Variants in TRAF3IP1 observed in about 807,000 individuals in gnomAD.
The protein encoded by TRAF3IP1 is TRAF3-interacting protein 1.
Under a neutral mutation model 89.9 loss-of-function variants are expected in TRAF3IP1, and 53 were observed. The observed-to-expected ratio is 0.59, with a 90% CI of 0.47 to 0.74. The LOEUF (loss-of-function observed/expected upper bound fraction) is 0.74. Among genes scored for constraint, TRAF3IP1 ranks in the 30% least tolerant of loss-of-function variants. TRAF3IP1 has a pLI of 0.00. For synonymous variants in TRAF3IP1, 311 were observed against 322.1 expected (o/e 0.97, Z 0.37); for missense variants, 806 against 866.1 (o/e 0.93, Z 0.87).
chr2:238,378,990 C>G (rs1700437317), intron 15 of TRAF3IP1, among the ~76,000 whole-genome samples: 1 of 152,154 alleles, frequency 6.6e-6, no homozygotes, highest in Non-Finnish European at 1.5e-5. Flanking sequence ...TCTTTGGTGC[C>G]CTCTGTGGGA....
Position 238,328,299 on chromosome 2 carries a change from G to A in TRAF3IP1, c.355-387G>A, listed in dbSNP as rs184013126. ...GCAGCCATCCTAATGGGTGTGAGGT[G>A]GTTAGATAAAATCTTAAGGCACTTA... On this transcript the variant is annotated intron_variant, in intron 3 of 16. Transcript: ENST00000373327. Among the ~76,000 whole-genome samples the A allele has an allele frequency of 4.7e-4, 71 of 152,150 alleles. No individual in the cohort carries two copies. In the East Asian group the frequency reaches 9.7e-3, roughly 21 times the overall value.
At chr2:238,355,147 G>C (rs551132827) in intron 14 of TRAF3IP1, among the ~76,000 whole-genome samples, 1 of 152,242 alleles carries the variant, frequency 6.6e-6, no homozygotes, top group East Asian at 1.9e-4. Flanking sequence ...TTTAATGTAA[G>C]ATAATTCGCA....
At chr2:238,350,307 G>A (rs1406060231) in intron 12 of TRAF3IP1, among the ~76,000 whole-genome samples, 2 of 152,130 alleles carry the variant, frequency 1.3e-5, no homozygotes, top group African/African-American at 2.4e-5. Context: ...AATTGATGAC[G>A]TAGGCGACGT....
rs1348285148 is a variant in TRAF3IP1, at chr2:238,348,767, G to C, written c.1286G>C (p.Gly429Ala). Reference protein sequence around the residue: ...QKGDSTSDAEGDAGPAGQDKS... With the variant: ...QKGDSTSDAEADAGPAGQDKS... ...TAATTGATTGTCATTTGTTTAGAAGGAGATGCTGGACCTGCTGGCCAAGAT... is the reference window on the plus strand; with the variant it reads ...TAATTGATTGTCATTTGTTTAGAAGCAGATGCTGGACCTGCTGGCCAAGAT... The change falls in exon 11 of 17, where the codon GGA becomes GCA. Residue 429 changes from glycine to alanine, a missense_variant. By Grantham distance (60) the Gly-to-Ala change is moderately conservative. This residue lies in a region of TRAF3IP1 where 732 missense variants were observed against 780.5 expected (regional missense o/e 0.94). Transcript: ENST00000373327. The C allele has an allele frequency of 1.2e-6, 2 of 1,613,956 alleles. No homozygotes were observed. Among genetic ancestry groups the C allele is most frequent in the Non-Finnish European group, 1.7e-6 (2 of 1,179,890 alleles).
intron 3 of TRAF3IP1, among the ~76,000 whole-genome samples, chr2:238,327,923 G>A (rs750756166): frequency 7.2e-5 from 11 of 152,032 alleles, no homozygotes; most frequent in Non-Finnish European, 1.6e-4. Context: ...GAATTTCATC[G>A]CTTTTTAGGG....
At chr2:238,361,383 A>AT (rs1201968382) in intron 15 of TRAF3IP1, among the ~76,000 whole-genome samples, 1 of 151,604 alleles carries the variant, frequency 6.6e-6, no homozygotes, top group African/African-American at 2.4e-5. Flanking sequence ...TACATTATTT[A>AT]TTTTTTTTCT....
At chr2:238,367,640 G>T (rs1390937496) in intron 15 of TRAF3IP1, among the ~76,000 whole-genome samples, 1 of 152,046 alleles carries the variant, frequency 6.6e-6, no homozygotes, top group East Asian at 1.9e-4. Context: ...GTGGGACCGA[G>T]AGCCTGCGCC....
intron 8 of TRAF3IP1, among the ~76,000 whole-genome samples, chr2:238,343,849 C>T (rs893437083): frequency 4.0e-5 from 6 of 150,732 alleles, no homozygotes; most frequent in East Asian, 2.0e-4. Flanking sequence ...TTTGTGTAGA[C>T]GAGTTCTCTC....
intron 15 of TRAF3IP1, among the ~76,000 whole-genome samples, chr2:238,386,556 G>GCCCA (rs1340036852): frequency 6.6e-6 from 1 of 152,046 alleles, no homozygotes; most frequent in African/African-American, 2.4e-5. Context: ...CAGGTGATCT[G>GCCCA]CCCACCTGGG....
At chr2:238,353,505 G>T (rs957467009) in intron 14 of TRAF3IP1, among the ~76,000 whole-genome samples, 1 of 152,182 alleles carries the variant, frequency 6.6e-6, no homozygotes, top group South Asian at 2.1e-4. Context: ...TTAAATTGTG[G>T]AAGTAGATGA....
chr2:238,348,916 T>C lies in TRAF3IP1; in HGVS notation c.1367+68T>C, dbSNP rs180882103. The C allele has an allele frequency of 1.9e-4, 252 of 1,329,744 alleles. No individual in the cohort carries two copies. In the African/African-American group the frequency reaches 3.3e-3, roughly 17 times the overall value. 82.4% of individuals were successfully genotyped at this position (1,329,744 alleles called of 1,614,324 possible). A position where few individuals can be genotyped will look rare whatever the true frequency, so the allele number is the denominator to read the frequency against. ...ACCTAGGACACTGCTGTGCTTCTCT[T>C]TCTGGCTGCTGCTATTTATTTAGTG... On this transcript the variant is annotated intron_variant, in intron 11 of 16. Transcript: ENST00000373327.
intron 15 of TRAF3IP1, among the ~76,000 whole-genome samples, chr2:238,393,926 C>T (rs375187339): frequency 7.9e-5 from 12 of 152,188 alleles, no homozygotes; most frequent in Non-Finnish European, 1.3e-4. Context: ...GAAGCCTACG[C>T]GGTGGCTCAC....
intron 3 of TRAF3IP1, 90 bp from the exon 4 acceptor site, chr2:238,328,596 T>G: frequency 9.1e-4 from 1,292 of 1,419,684 alleles, no homozygotes; most frequent in Non-Finnish European, 1.1e-3. Flanking sequence ...ATCTGTCTCA[T>G]GAGCTATCTT....
At chr2:238,322,946 T>G (rs1477036001) in intron 1 of TRAF3IP1, among the ~76,000 whole-genome samples, 1 of 152,238 alleles carries the variant, frequency 6.6e-6, no homozygotes, top group Non-Finnish European at 1.5e-5. Flanking sequence ...TGAAAATGCT[T>G]TACTGTACTG....
chr2:238,373,359 A>C (rs1163156542), intron 15 of TRAF3IP1, among the ~76,000 whole-genome samples: 1 of 152,328 alleles, frequency 6.6e-6, no homozygotes, highest in African/African-American at 2.4e-5. Flanking sequence ...ATGGCTAGCC[A>C]GTTTTCCCAG....
intron 1 of TRAF3IP1, among the ~76,000 whole-genome samples, chr2:238,321,931 C>T (rs973729378): frequency 2.6e-5 from 4 of 152,224 alleles, no homozygotes; most frequent in Non-Finnish European, 5.9e-5. Flanking sequence ...CCTACCTTAG[C>T]TTATAACGTG....
intron 15 of TRAF3IP1, among the ~76,000 whole-genome samples, chr2:238,387,600 A>T (rs1050826145): frequency 3.3e-5 from 5 of 152,332 alleles, no homozygotes; most frequent in Non-Finnish European, 5.9e-5. Context: ...TCACGTGCTC[A>T]TCTCTATTGG....
Position 238,348,754 on chromosome 2 carries a change from A to G in TRAF3IP1, c.1283-10A>G. On this transcript the variant is annotated splice_polypyrimidine_tract_variant and intron_variant, in intron 10 of 16. Coordinates refer to ENST00000373327, the MANE Select transcript of TRAF3IP1 (RefSeq NM_015650.4). ...CTTTGTGAATTGCTAATTGATTGTC[A>G]TTTGTTTAGAAGGAGATGCTGGACC... 1.9e-6 allele frequency: 3 copies of G among 1,613,028 alleles called. No homozygotes were observed. Among genetic ancestry groups the G allele is most frequent in the Non-Finnish European group, 1.7e-6 (2 of 1,179,106 alleles).
In TRAF3IP1 at chr2:238,345,050, A is replaced by C. The variant is rs1698828898; in HGVS notation, c.1261+452A>C. 6.6e-6 allele frequency among the ~76,000 whole-genome samples: 1 copy of C among 152,228 alleles called. No individual in the cohort carries two copies. The highest frequency in any genetic ancestry group is 1.5e-5 in the Non-Finnish European group (1 of 68,034). On this transcript the variant is annotated intron_variant, in intron 9 of 16. Coordinates refer to ENST00000373327, the MANE Select transcript of TRAF3IP1 (RefSeq NM_015650.4). This position sits in a 1 kb window ranked among gnomAD's most constrained non-coding sequence, Gnocchi z 4.7. ...CCATAAATTTTCTCAGCCTTTAAAA[A>C]AACTTTGGTAAAATAGCCATTCAAT...
Sources: allele counts gnomAD v4.1 joint callset (sites outside exome capture counted in the v4.1 genomes callset), GRCh38; gene constraint gnomAD v4.1.1; regional missense constraint gnomAD v4.1.1; non-coding constraint Gnocchi (gnomAD v3.1); transcripts MANE v1.5; gene names NCBI Gene and HGNC (gene_info 2026-07-23, HGNC 2026-07-21).